Variants in SYNE2 observed in about 807,000 individuals in gnomAD.
SYNE2 encodes spectrin repeat containing nuclear envelope protein 2.
SYNE2 carries 431 observed loss-of-function variants against 856.3 expected under a neutral mutation model. The observed-to-expected ratio is 0.50, with a 90% CI of 0.47 to 0.55. The LOEUF (loss-of-function observed/expected upper bound fraction) is 0.55. Among genes scored for constraint, SYNE2 ranks in the 20% least tolerant of loss-of-function variants. SYNE2 has a pLI of 0.00. For synonymous variants in SYNE2, 2,923 were observed against 2,872.3 expected (o/e 1.02, Z -0.56); for missense variants, 8,129 against 8,023.2 (o/e 1.01, Z -0.50).
chr14:64,085,116 A>C (rs2097550856), intron 57 of SYNE2: 1 of 666,152 alleles, frequency 1.5e-6, no homozygotes, highest in Non-Finnish European at 2.7e-6. Flanking sequence ...TCTGTCACCC[A>C]GGCTGGAGTG....
At chr14:64,205,128 T>A (rs2098599043) in intron 100 of SYNE2, among the ~76,000 whole-genome samples, 1 of 152,120 alleles carries the variant, frequency 6.6e-6, no homozygotes, top group Non-Finnish European at 1.5e-5. Context: ...TATTTCAAGG[T>A]CAGCTGATTA....
At chr14:63,958,137 A>T (rs1200708344) in intron 8 of SYNE2, among the ~76,000 whole-genome samples, 1 of 152,190 alleles carries the variant, frequency 6.6e-6, no homozygotes, top group Non-Finnish European at 1.5e-5. Flanking sequence ...TAAACCCTGC[A>T]CCCAGTTTCC....
chr14:64,069,784 C>T (rs915280272), intron 51 of SYNE2, among the ~76,000 whole-genome samples: 1 of 152,224 alleles, frequency 6.6e-6, no homozygotes. Context: ...TTCTCAGCCT[C>T]TGGCATGTCT....
intron 61 of SYNE2, 31 bp from the exon 62 acceptor site, chr14:64,097,918 T>C (rs1213769661): frequency 7.4e-6 from 12 of 1,613,428 alleles, no homozygotes; most frequent in Non-Finnish European, 1.0e-5. Context: ...CTCAGACTTC[T>C]CAAACCTATG....
rs781502235 is a variant in SYNE2 at position 64,212,794 on chromosome 14, T to C, written c.18862-17T>C. ...GGTAACTTTCTTTGAAATCCTTTCT[T>C]TCTCCTCTCTCAACAGGGCTTCCAA... On this transcript the variant is annotated splice_polypyrimidine_tract_variant and intron_variant, in intron 104 of 115. Coordinates refer to ENST00000555002, the MANE Select transcript of SYNE2 (RefSeq NM_182914.3). 1.2e-5 allele frequency: 19 copies of C among 1,613,310 alleles called. No homozygotes were observed. The highest frequency in any genetic ancestry group is 1.6e-4 in the Middle Eastern group (1 of 6,084).
At chr14:63,824,550 A>G (rs1889344913) in intron 1 of SYNE2, among the ~76,000 whole-genome samples, 1 of 151,678 alleles carries the variant, frequency 6.6e-6, no homozygotes, top group Non-Finnish European at 1.5e-5. Context: ...GAGGCAGGAG[A>G]ATTGCTTGAA....
At chr14:63,987,228 C>T (rs375109403) in intron 19 of SYNE2, among the ~76,000 whole-genome samples, 1 of 151,998 alleles carries the variant, frequency 6.6e-6, no homozygotes, top group Admixed American at 6.6e-5. Flanking sequence ...CGCACTCCAG[C>T]CTGGCGACAG....
At chr14:63,912,653 T>C (rs2095486414) in intron 2 of SYNE2, among the ~76,000 whole-genome samples, 1 of 152,198 alleles carries the variant, frequency 6.6e-6, no homozygotes, top group African/African-American at 2.4e-5. Flanking sequence ...TAGCAAAAAC[T>C]TAATCTAAGG....
rs936648242 is a variant in SYNE2, at chr14:64,212,189, G to A, written c.18861+91G>A. ...GTGCAAATTTCACACGATACTCTGA[G>A]AGCAAATTTCAGAATTCTTAAAGCA... On this transcript the variant is annotated intron_variant, in intron 104 of 115. Transcript: ENST00000555002. The A allele has an allele frequency of 4.4e-6, 7 of 1,595,914 alleles. No homozygotes were observed. In the Admixed American group the frequency reaches 1.0e-4, roughly 23 times the overall value.
At chr14:64,041,694 T>G (rs2097149522) in intron 45 of SYNE2, among the ~76,000 whole-genome samples, 1 of 151,702 alleles carries the variant, frequency 6.6e-6, no homozygotes, top group East Asian at 1.9e-4. Flanking sequence ...GAAAAAAATT[T>G]TTTAAATTAG....
intron 48 of SYNE2, among the ~76,000 whole-genome samples, chr14:64,055,318 A>T (rs2097259752): frequency 6.6e-6 from 1 of 151,854 alleles, no homozygotes; most frequent in African/African-American, 2.4e-5. Context: ...ATTATTCTTG[A>T]GATGTTATTT....
At chr14:64,182,726 C>T (rs536944059) in intron 96 of SYNE2, among the ~76,000 whole-genome samples, 1 of 152,242 alleles carries the variant, frequency 6.6e-6, no homozygotes, top group Non-Finnish European at 1.5e-5. Flanking sequence ...AGATTAACAG[C>T]ATCCCAAGGC....
In SYNE2 at chr14:64,208,951, A is replaced by G; in HGVS notation, c.18389+6A>G. The G allele has an allele frequency of 6.2e-7, 1 of 1,613,344 alleles. No individual in the cohort carries two copies. The highest frequency in any genetic ancestry group is 1.7e-4 in the Middle Eastern group (1 of 6,046). On this transcript the variant is annotated splice_donor_region_variant and intron_variant, in intron 101 of 115. Transcript: ENST00000555002. ...TCCATGGAGCGGCGCATGAAGTAAG[A>G]ACTAAGCTCCCCCAAATGCCTTCAG...
At chr14:63,767,507 T>A (rs1886727294) in intron 1 of SYNE2, among the ~76,000 whole-genome samples, 2 of 152,166 alleles carry the variant, frequency 1.3e-5, no homozygotes, top group Non-Finnish European at 2.9e-5. Context: ...ACATTAAAAA[T>A]AGAGAATTTC....
intron 1 of SYNE2, among the ~76,000 whole-genome samples, chr14:63,906,367 T>A (rs2153345184): frequency 6.6e-6 from 1 of 152,286 alleles, no homozygotes; most frequent in Non-Finnish European, 1.5e-5. Context: ...TGGAATTGTT[T>A]CAGTAGGATT....
At chr14:63,994,540 T>C (rs1321905377) in intron 22 of SYNE2, among the ~76,000 whole-genome samples, 3 of 152,186 alleles carry the variant, frequency 2.0e-5, no homozygotes, top group African/African-American at 4.8e-5. Flanking sequence ...TCCTCTGTTA[T>C]CAGCATCTTA....
chr14:63,884,394 G>A (rs1041222004), intron 1 of SYNE2, among the ~76,000 whole-genome samples: 2 of 152,154 alleles, frequency 1.3e-5, no homozygotes, highest in South Asian at 2.1e-4. Flanking sequence ...CTCCTTGCAC[G>A]TCTGCTTGGT....
At chr14:63,969,831 A>T (rs1346882715) in intron 11 of SYNE2, among the ~76,000 whole-genome samples, 1 of 152,112 alleles carries the variant, frequency 6.6e-6, no homozygotes, top group Non-Finnish European at 1.5e-5. Flanking sequence ...CAATTCTATT[A>T]TATTTTGCTG....
chr14:64,121,484 C>T (rs1229398313), intron 68 of SYNE2, among the ~76,000 whole-genome samples: 1 of 152,200 alleles, frequency 6.6e-6, no homozygotes, highest in Admixed American at 6.5e-5. Context: ...GATCACACCA[C>T]TCTACTCTAA....
Sources: gnomAD v4.1 joint callset for allele counts (sites outside exome capture counted in the v4.1 genomes callset) on GRCh38, gnomAD v4.1.1 for gene constraint, MANE v1.5 for transcripts, NCBI Gene and HGNC (gene_info 2026-07-23, HGNC 2026-07-21) for gene names.